GRIK2: variants seen among roughly 807,000 people sequenced by gnomAD.
GRIK2 encodes the protein glutamate receptor ionotropic, kainate 2.
Under a neutral mutation model 100.3 loss-of-function variants are expected in GRIK2, and 32 were observed. That is an observed-to-expected ratio of 0.32 (90% CI 0.24 to 0.43). The LOEUF (loss-of-function observed/expected upper bound fraction) is 0.43, where lower values mean the gene tolerates loss of function less well. Ranked by LOEUF, GRIK2 falls within the 20% of genes least tolerant of loss-of-function variation. The probability of loss-of-function intolerance (pLI) is 1.00; values close to 1 mark genes in which losing one functional copy is unlikely to be tolerated. For synonymous variants in GRIK2, 417 were observed against 389.4 expected (o/e 1.07, Z -0.83); for missense variants, 843 against 1,114.9 (o/e 0.76, Z 3.47).
chr6:101,442,549 A>G (rs1770133139), intron 2 of GRIK2, among the ~76,000 whole-genome samples: 1 of 152,132 alleles, frequency 6.6e-6, no homozygotes, highest in Non-Finnish European at 1.5e-5. Flanking sequence ...TGCAAACTTA[A>G]GTTTTTTATT....
chr6:101,522,207 T>C (rs935177671), intron 2 of GRIK2, among the ~76,000 whole-genome samples: 2 of 152,126 alleles, frequency 1.3e-5, no homozygotes, highest in African/African-American at 2.4e-5. Flanking sequence ...CAAAAGCACC[T>C]GTTATCTCTG....
intron 7 of GRIK2, among the ~76,000 whole-genome samples, chr6:101,738,776 A>G (rs1327031767): frequency 6.6e-6 from 1 of 152,172 alleles, no homozygotes. Context: ...ATATACGCTG[A>G]TAGGGCCCAA....
chr6:101,743,435 T>C (rs758633389), intron 7 of GRIK2, among the ~76,000 whole-genome samples: 8 of 152,226 alleles, frequency 5.3e-5, no homozygotes, highest in Non-Finnish European at 1.0e-4. Context: ...ATCCATCTTA[T>C]ATGAAAAATT....
At chr6:101,566,930 A>G (rs1210782522) in intron 2 of GRIK2, among the ~76,000 whole-genome samples, 2 of 150,714 alleles carry the variant, frequency 1.3e-5, no homozygotes, top group Non-Finnish European at 3.0e-5. Flanking sequence ...TACATTTTCT[A>G]TAATAGACAA....
intron 7 of GRIK2, among the ~76,000 whole-genome samples, chr6:101,715,727 G>A (rs1484707184): frequency 6.6e-6 from 1 of 151,674 alleles, no homozygotes; most frequent in African/African-American, 2.4e-5. Context: ...AGTGAAGGAA[G>A]GAAAGTGGAA....
At chr6:101,505,119 T>A (rs1348656586) in intron 2 of GRIK2, among the ~76,000 whole-genome samples, 1 of 152,046 alleles carries the variant, frequency 6.6e-6, no homozygotes, top group Non-Finnish European at 1.5e-5. Flanking sequence ...ATGTTTAGTA[T>A]TTGGTCAATT....
At chr6:102,061,660 ATTC>A (rs1771759243) in intron 16 of GRIK2, among the ~76,000 whole-genome samples, 1 of 150,532 alleles carries the variant, frequency 6.6e-6, no homozygotes, top group African/African-American at 2.4e-5. Flanking sequence ...TAGCCTCTCT[ATTC>A]TTCTTTTTAA....
chr6:102,001,188 T>A lies in GRIK2; in HGVS notation c.2086-34153T>A, dbSNP rs866272076. Reference sequence around the variant, plus strand: ...GTTCCAGGCATTCTTCTTCTTTATTTTTTTTTTTTTTTCATTTTACTTTAA... The same window carrying A: ...GTTCCAGGCATTCTTCTTCTTTATTATTTTTTTTTTTTCATTTTACTTTAA... On this transcript the variant is annotated intron_variant, in intron 14 of 16. Coordinates refer to ENST00000369134, the MANE Select transcript of GRIK2 (RefSeq NM_021956.5). Among the ~76,000 whole-genome samples the A allele has an allele frequency of 7.3e-4, 105 of 143,884 alleles. 1 individual carries two copies. The highest frequency in any genetic ancestry group is 2.5e-3 in the African/African-American group (90 of 35,682). The allele number at this position is 143,884 out of a possible 152,430, so 94.4% of individuals were successfully genotyped here.
rs957665163 is a variant in GRIK2 at position 101,921,486 on chromosome 6, A to G, written c.1749-3115A>G. On this transcript the variant is annotated intron_variant, in intron 12 of 16. Transcript: ENST00000369134. ...TTTAAATTTAAAAAGTGAATCCGAA[A>G]GAGTTGGAAGATGAGGACAGATACT... Among the ~76,000 whole-genome samples the G allele has an allele frequency of 8.5e-5, 13 of 152,206 alleles. 1 individual carries two copies. The Middle Eastern group carries it at 0.01, about 119-fold the overall frequency.
intron 11 of GRIK2, among the ~76,000 whole-genome samples, chr6:101,889,252 G>GT (rs562855027): frequency 2.0e-5 from 3 of 151,870 alleles, no homozygotes; most frequent in Non-Finnish European, 4.4e-5. Flanking sequence ...TTTGACCAAT[G>GT]TATTAAGAAA....
chr6:101,655,815 A>G (rs1458049069), intron 4 of GRIK2, among the ~76,000 whole-genome samples: 2 of 152,092 alleles, frequency 1.3e-5, no homozygotes, highest in Non-Finnish European at 2.9e-5. Context: ...AACTAGCCCT[A>G]GTTTTTAGGA....
chr6:101,625,549 C>A (rs1780391251), intron 3 of GRIK2, among the ~76,000 whole-genome samples: 1 of 151,724 alleles, frequency 6.6e-6, no homozygotes, highest in Admixed American at 6.6e-5. Context: ...TTTTGTGTTC[C>A]CAATAATTAC....
intron 2 of GRIK2, among the ~76,000 whole-genome samples, chr6:101,512,575 C>T (rs1774374915): frequency 1.3e-5 from 2 of 152,238 alleles, no homozygotes; most frequent in South Asian, 4.1e-4. Context: ...TAAACTTAAA[C>T]ATTTCTGGCA....
In GRIK2 at chr6:101,556,470, G is replaced by A. The variant is rs182938132; in HGVS notation, c.116-65479G>A. On this transcript the variant is annotated intron_variant, in intron 2 of 16. Transcript: ENST00000369134. ...CTGCCTCAGCCTCCCGAGATATATT[G>A]GTAATTTTTAAAAAATTGTTTCACA... Among the ~76,000 whole-genome samples, 7 of 149,386 alleles carry A rather than the reference G, an allele frequency of 4.7e-5. No individual in the cohort carries two copies. The East Asian group carries it at 1.4e-3, about 29-fold the overall frequency.
intron 12 of GRIK2, among the ~76,000 whole-genome samples, chr6:101,908,755 CAGATA>C (rs1288944857): frequency 6.7e-5 from 10 of 149,822 alleles, no homozygotes; most frequent in Admixed American, 2.7e-4. Flanking sequence ...TATGAAAAGA[CAGATA>C]AGATAGGAAG....
chr6:101,535,450 A>G (rs1420889975), intron 2 of GRIK2, among the ~76,000 whole-genome samples: 1 of 151,788 alleles, frequency 6.6e-6, no homozygotes, highest in Non-Finnish European at 1.5e-5. Context: ...TTTTCAATGT[A>G]AATAAAGTAG....
At chr6:101,875,997 G>C (rs551998664) in intron 11 of GRIK2, among the ~76,000 whole-genome samples, 15 of 143,598 alleles carry the variant, frequency 1.0e-4, no homozygotes, top group Non-Finnish European at 2.2e-4. Flanking sequence ...TATATATTGT[G>C]TGTTTATGTG....
At chr6:101,900,095 A>G (rs1180480217) in intron 12 of GRIK2, among the ~76,000 whole-genome samples, 2 of 152,158 alleles carry the variant, frequency 1.3e-5, no homozygotes, top group Non-Finnish European at 2.9e-5. Flanking sequence ...TACTACTTCA[A>G]TTTTCAATTA....
chr6:101,977,486 T>C (rs1178091286), intron 14 of GRIK2, among the ~76,000 whole-genome samples: 2 of 151,934 alleles, frequency 1.3e-5, no homozygotes, highest in African/African-American at 4.8e-5. Context: ...ACGTGGGCAT[T>C]CTGCAAAAGC....
Sources: allele counts gnomAD v4.1 joint callset (sites outside exome capture counted in the v4.1 genomes callset), GRCh38; gene constraint gnomAD v4.1.1; transcripts MANE v1.5; gene names NCBI Gene and HGNC (gene_info 2026-07-23, HGNC 2026-07-21).